Variants in ST6GALNAC3 observed in about 807,000 individuals in gnomAD.
ST6GALNAC3 encodes the protein ST6 N-acetylgalactosaminide alpha-2,6-sialyltransferase 3, also known as alpha-N-acetylgalactosaminide alpha-2,6-sialyltransferase 3.
ST6GALNAC3 carries 25 observed loss-of-function variants against 32.7 expected under a neutral mutation model. The ratio of observed to expected loss-of-function variants is 0.76; its 90% CI spans 0.56 to 1.07. ST6GALNAC3 has a LOEUF of 1.07. ST6GALNAC3 is among the 50% of genes least tolerant of loss of function. The probability of loss-of-function intolerance (pLI) is 0.00; values close to 1 mark genes in which losing one functional copy is unlikely to be tolerated. For missense variants in ST6GALNAC3, 355 were observed against 382.4 expected (o/e 0.93, Z 0.60); for synonymous variants, 129 against 133.1 (o/e 0.97, Z 0.21).
At chr1:76,302,954 C>T (rs1234194301) in intron 1 of ST6GALNAC3, among the ~76,000 whole-genome samples, 2 of 152,024 alleles carry the variant, frequency 1.3e-5, no homozygotes, top group Non-Finnish European at 2.9e-5. Flanking sequence ...AGAATCTTCT[C>T]AGGTCCAAAT....
chr1:76,482,204 A>G (rs1659769848), intron 3 of ST6GALNAC3, among the ~76,000 whole-genome samples: 1 of 152,012 alleles, frequency 6.6e-6, no homozygotes, highest in Non-Finnish European at 1.5e-5. Flanking sequence ...CAAGATTCAG[A>G]ATTTCAGCCC....
intron 3 of ST6GALNAC3, among the ~76,000 whole-genome samples, chr1:76,505,206 C>T (rs1481486164): frequency 1.3e-5 from 2 of 151,948 alleles, no homozygotes; most frequent in African/African-American, 2.4e-5. Context: ...TCACTGCAAC[C>T]TCTGCCTCCC....
At chr1:76,195,980 A>C (rs190960765) in intron 1 of ST6GALNAC3, among the ~76,000 whole-genome samples, 1 of 152,328 alleles carries the variant, frequency 6.6e-6, no homozygotes, top group East Asian at 1.9e-4. Context: ...TTATGAGGTG[A>C]TTTCTCTTTA....
rs74089922 is a variant in ST6GALNAC3 at position 76,412,472 on chromosome 1, T to G, written c.623+55T>G. 2.7e-3 allele frequency: 3,976 copies of G among 1,489,352 alleles called. 85 individuals carry two copies. In the African/African-American group the frequency reaches 0.049, roughly 19 times the overall value. 92.3% of individuals were successfully genotyped at this position (1,489,352 alleles called of 1,614,324 possible). On this transcript the variant is annotated intron_variant, in intron 3 of 4. Coordinates refer to ENST00000328299, the MANE Select transcript of ST6GALNAC3 (RefSeq NM_152996.4). ...CTTTTATTATCTTTTATGCTAAATC[T>G]TCGCCAATTCCTTTTGCAGGATATA...
chr1:76,219,166 A>G (rs913586888), intron 1 of ST6GALNAC3, among the ~76,000 whole-genome samples: 1 of 152,188 alleles, frequency 6.6e-6, no homozygotes, highest in Non-Finnish European at 1.5e-5. Context: ...GGGATGATTC[A>G]ATGATATGGG....
Position 76,565,524 on chromosome 1 carries a change from TCTC to T in ST6GALNAC3, c.624-61925_624-61923del, listed in dbSNP as rs370571108. Among the ~76,000 whole-genome samples, 222 of 152,294 alleles carry T rather than the reference TCTC, an allele frequency of 1.5e-3. 1 individual carries two copies. The highest frequency in any genetic ancestry group is 5.1e-3 in the African/African-American group (213 of 41,572). On this transcript the variant is annotated intron_variant, in intron 3 of 4. Transcript: ENST00000328299. The stretch of plus-strand genomic sequence containing the variant: ...TCTTGAACGGGCTTCCTCGAAGTCA[TCTC>T]CTTCTTACTGGGTCACTAAGCCTCC...
At chr1:76,425,657 A>G (rs1655327990) in intron 3 of ST6GALNAC3, among the ~76,000 whole-genome samples, 1 of 151,984 alleles carries the variant, frequency 6.6e-6, no homozygotes, top group African/African-American at 2.4e-5. Context: ...ATATTTATAA[A>G]CCATGTTCAT....
At chr1:76,622,438 G>A (rs1648709102) in intron 3 of ST6GALNAC3, among the ~76,000 whole-genome samples, 1 of 151,948 alleles carries the variant, frequency 6.6e-6, no homozygotes, top group Non-Finnish European at 1.5e-5. Flanking sequence ...GACTGTGAAT[G>A]AGCAGAGTAG....
chr1:76,100,272 C>T (rs773644024), intron 1 of ST6GALNAC3, among the ~76,000 whole-genome samples: 1 of 151,846 alleles, frequency 6.6e-6, no homozygotes, highest in Non-Finnish European at 1.5e-5. Context: ...AAAATTAATA[C>T]GATGTTGATA....
chr1:76,301,188 G>C (rs1660707585), intron 1 of ST6GALNAC3, among the ~76,000 whole-genome samples: 1 of 151,944 alleles, frequency 6.6e-6, no homozygotes, highest in Non-Finnish European at 1.5e-5. Flanking sequence ...TTAATTCTTG[G>C]GGCTTCAAAG....
intron 2 of ST6GALNAC3, among the ~76,000 whole-genome samples, chr1:76,398,153 T>A (rs539799799): frequency 9.2e-5 from 12 of 131,070 alleles, no homozygotes; most frequent in Admixed American, 4.3e-4. Flanking sequence ...GTTAATTGAT[T>A]TCCTACAAAA....
intron 1 of ST6GALNAC3, chr1:76,310,017 A>T (rs1173364714): frequency 2.0e-6 from 1 of 492,786 alleles, no homozygotes; most frequent in East Asian, 5.7e-5. Flanking sequence ...TGGATTCAGA[A>T]AGGCTATCCA....
intron 3 of ST6GALNAC3, among the ~76,000 whole-genome samples, chr1:76,558,132 C>T (rs1374874568): frequency 6.6e-6 from 1 of 152,168 alleles, no homozygotes; most frequent in Non-Finnish European, 1.5e-5. Context: ...AACACTTATA[C>T]ACTGTTAGAA....
intron 1 of ST6GALNAC3, among the ~76,000 whole-genome samples, chr1:76,186,476 G>A (rs558987764): frequency 1.4e-3 from 207 of 152,160 alleles, no homozygotes; most frequent in Non-Finnish European, 2.4e-3. Context: ...GAAAAAAAAA[G>A]CAGTATTTTC....
chr1:76,458,606 A>G (rs1658029908), intron 3 of ST6GALNAC3, among the ~76,000 whole-genome samples: 3 of 150,100 alleles, frequency 2.0e-5, no homozygotes. Context: ...GAAATTGGAA[A>G]TCATCATTCT....
intron 1 of ST6GALNAC3, among the ~76,000 whole-genome samples, chr1:76,203,522 G>GCA (rs199694128): frequency 0.21 from 12,768 of 62,070 alleles, 587 homozygotes; most frequent in East Asian, 0.48. Context: ...GGTGACTTGT[G>GCA]TATTTTTTTT....
chr1:76,325,653 A>G (rs867597174), intron 2 of ST6GALNAC3, among the ~76,000 whole-genome samples: 19 of 149,880 alleles, frequency 1.3e-4, no homozygotes, highest in African/African-American at 4.4e-4. Context: ...TATTTCCAGC[A>G]TGCCCCCGGA....
chr1:76,368,146 A>C (rs1314110319), intron 2 of ST6GALNAC3, among the ~76,000 whole-genome samples: 1 of 151,990 alleles, frequency 6.6e-6, no homozygotes, highest in African/African-American at 2.4e-5. Context: ...TCTAGGTTTC[A>C]TGTACCTTAC....
At chr1:76,124,235 G>C (rs1190774100) in intron 1 of ST6GALNAC3, among the ~76,000 whole-genome samples, 2 of 151,736 alleles carry the variant, frequency 1.3e-5, no homozygotes, top group African/African-American at 4.8e-5. Flanking sequence ...CTTCCTCTTT[G>C]GGGAGACTGC....
Sources: allele counts gnomAD v4.1 joint callset (sites outside exome capture counted in the v4.1 genomes callset), GRCh38; gene constraint gnomAD v4.1.1; transcripts MANE v1.5; gene names NCBI Gene and HGNC (gene_info 2026-07-23, HGNC 2026-07-21).